Variants in SNX19 observed in about 807,000 individuals in gnomAD.
The protein encoded by SNX19 is sorting nexin-19.
In SNX19, 60 loss-of-function variants were observed where a neutral mutation model predicts 85.2. That is an observed-to-expected ratio of 0.70 (90% confidence interval 0.57 to 0.87). The LOEUF (loss-of-function observed/expected upper bound fraction) is 0.87, where lower values mean the gene tolerates loss of function less well. SNX19 is among the 40% of genes least tolerant of loss of function. SNX19 has a pLI of 0.00. For synonymous variants in SNX19, 520 were observed against 470.0 expected (o/e 1.11, Z -1.38); for missense variants, 1,201 against 1,217.8 (o/e 0.99, Z 0.21).
chr11:130,903,375 G>A lies in SNX19; in HGVS notation c.2453C>T (p.Thr818Ile), dbSNP rs770258630. ...ATCCAGGGCTGTGTCAGCTAACTCT[G>A]TCTCTGTTCCTGAGGGATAAAATGG... ...DPSNSDPGTETELADTALDLL... is the reference protein window; with the variant it reads ...DPSNSDPGTEIELADTALDLL... Residue 818 changes from threonine to isoleucine, a missense_variant, in exon 8 of 11, where the codon ACA becomes ATA. Thr to Ile is a moderately conservative substitution (Grantham distance 89, BLOSUM62 -1). Transcript: ENST00000265909. 1.9e-6 allele frequency: 3 copies of A among 1,612,340 alleles called. No individual in the cohort carries two copies. The highest frequency in any genetic ancestry group is 2.5e-6 in the Non-Finnish European group (3 of 1,179,800).
intron 8 of SNX19, among the ~76,000 whole-genome samples, chr11:130,890,890 C>CTTTTTT (rs10678203): frequency 6.3e-5 from 9 of 143,028 alleles, no homozygotes; most frequent in African/African-American, 5.2e-5. Flanking sequence ...GGATTTGGGT[C>CTTTTTT]TTTTTTTTTT....
intron 1 of SNX19, among the ~76,000 whole-genome samples, chr11:130,912,965 C>A (rs1946255273): frequency 6.6e-6 from 1 of 152,140 alleles, no homozygotes. Context: ...AACCCAATTT[C>A]AAACTACTCA....
chr11:130,911,136 A>G (rs1476991927), intron 2 of SNX19, among the ~76,000 whole-genome samples: 1 of 151,256 alleles, frequency 6.6e-6, no homozygotes, highest in Non-Finnish European at 1.5e-5. Context: ...CGGAGGTTGC[A>G]GTGAGCCGAG....
At chr11:130,898,376 C>T (rs1945026853) in intron 8 of SNX19, among the ~76,000 whole-genome samples, 1 of 152,072 alleles carries the variant, frequency 6.6e-6, no homozygotes, top group African/African-American at 2.4e-5. Flanking sequence ...CTACAGCATC[C>T]CTGATGGTCA....
At chr11:130,899,637 G>C (rs540856989) in intron 8 of SNX19, among the ~76,000 whole-genome samples, 3 of 152,280 alleles carry the variant, frequency 2.0e-5, no homozygotes, top group African/African-American at 7.2e-5. Flanking sequence ...AATGGGCTAA[G>C]GATAAAGTTG....
chr11:130,903,381 G>A lies in SNX19; in HGVS notation c.2447C>T (p.Thr816Ile), dbSNP rs370130782. The change falls in exon 8 of 11, where the codon ACA becomes ATA. Residue 816 changes from threonine to isoleucine, a missense_variant. Coordinates refer to ENST00000265909, the MANE Select transcript of SNX19 (RefSeq NM_014758.3). ...GGCTGTGTCAGCTAACTCTGTCTCTGTTCCTGAGGGATAAAATGGCATCAG... is the reference window on the plus strand; with the variant it reads ...GGCTGTGTCAGCTAACTCTGTCTCTATTCCTGAGGGATAAAATGGCATCAG... ...AQDPSNSDPGTETELADTALD... is the reference protein window; with the variant it reads ...AQDPSNSDPGIETELADTALD... The A allele has an allele frequency of 1.2e-6, 2 of 1,612,078 alleles. No homozygotes were observed. The highest frequency in any genetic ancestry group is 1.7e-6 in the Non-Finnish European group (2 of 1,179,736).
chr11:130,910,234 A>G (rs1945995283), intron 3 of SNX19, 36 bp downstream of exon 3: 1 of 1,613,090 alleles, frequency 6.2e-7, no homozygotes, highest in African/African-American at 1.3e-5. Flanking sequence ...CACCCAGGTT[A>G]AAGTGAGAAC....
At chr11:130,881,699 C>A (rs183689791) in intron 8 of SNX19, among the ~76,000 whole-genome samples, 208 of 152,332 alleles carry the variant, frequency 1.4e-3, no homozygotes, top group Non-Finnish European at 2.1e-3. Context: ...GCCTGAAGAG[C>A]AAGTCTCAAG....
chr11:130,896,961 C>T (rs753306846), intron 8 of SNX19, among the ~76,000 whole-genome samples: 3 of 150,806 alleles, frequency 2.0e-5, no homozygotes, highest in Non-Finnish European at 4.4e-5. Context: ...GATTCTGGAG[C>T]GTTCTAAGAG....
chr11:130,906,002 G>A lies in SNX19; in HGVS notation c.2394C>T (p.Cys798=), dbSNP rs751708040. 3 of 1,614,192 alleles carry A rather than the reference G, an allele frequency of 1.9e-6. No homozygotes were observed. Among genetic ancestry groups the A allele is most frequent in the African/African-American group, 1.3e-5 (1 of 75,056 alleles). The change falls in exon 7 of 11, where the codon TGC becomes TGT. Residue 798 remains cysteine (C), a synonymous_variant. Coordinates refer to ENST00000265909, the MANE Select transcript of SNX19 (RefSeq NM_014758.3). Reference sequence around the variant, plus strand: ...GGGCTGGCACGGCTGCATCTGACACGCAACTGTCCACACGTCCTTTGGGAG... The same window carrying A: ...GGGCTGGCACGGCTGCATCTGACACACAACTGTCCACACGTCCTTTGGGAG... ...EQPPKGRVDS[C]VSDAAVPAQD... is the part of the protein sequence containing the mutation.
intron 5 of SNX19, 88 bp from the exon 6 acceptor site, chr11:130,906,809 C>T (rs541693813): frequency 3.9e-4 from 352 of 913,546 alleles, no homozygotes; most frequent in Admixed American, 8.1e-4. Flanking sequence ...TAATAAAACA[C>T]AACAAGAATA....
chr11:130,889,821 C>T (rs188995898), intron 8 of SNX19, among the ~76,000 whole-genome samples: 21 of 152,198 alleles, frequency 1.4e-4, no homozygotes, highest in Admixed American at 9.8e-4. Flanking sequence ...AATAATCATA[C>T]GTCATGGCAC....
At chr11:130,886,207 G>A (rs936667777) in intron 8 of SNX19, among the ~76,000 whole-genome samples, 6 of 152,104 alleles carry the variant, frequency 3.9e-5, no homozygotes, top group Admixed American at 3.9e-4. Flanking sequence ...CATCATTAGA[G>A]GTCATATCAT....
intron 8 of SNX19, among the ~76,000 whole-genome samples, chr11:130,899,082 C>T (rs957397329): frequency 3.9e-5 from 6 of 152,072 alleles, no homozygotes; most frequent in East Asian, 1.9e-4. Context: ...GTCATAGTAC[C>T]GCTTTCGCAG....
Position 130,915,505 on chromosome 11 carries a change from CCTT to C in SNX19, c.432_434del (p.Arg145del). On this transcript the variant is annotated inframe_deletion, in exon 1 of 11. Coordinates refer to ENST00000265909, the MANE Select transcript of SNX19 (RefSeq NM_014758.3). Reference sequence around the variant, plus strand: ...CAGCATGACTGTCCATCACGCTCATCCTTCTCCGAAGCTCCTGGACCAACCCTT... The same window carrying C: ...CAGCATGACTGTCCATCACGCTCATCCTCCGAAGCTCCTGGACCAACCCTT... 2.5e-6 allele frequency: 4 copies of C among 1,614,232 alleles called. No individual in the cohort carries two copies. Among genetic ancestry groups the C allele is most frequent in the Admixed American group, 3.3e-5 (2 of 60,034 alleles).
Position 130,914,348 on chromosome 11 carries a change from T to C in SNX19, c.1592A>G (p.Gln531Arg). The C allele has an allele frequency of 6.2e-7, 1 of 1,613,712 alleles. No individual in the cohort carries two copies. Among genetic ancestry groups the C allele is most frequent in the Non-Finnish European group, 8.5e-7 (1 of 1,179,770 alleles). ...LSSPDGPVIIQNLRITGTITA... is the reference protein window; with the variant it reads ...LSSPDGPVIIRNLRITGTITA... ...AATGGTGCCAGTGATACGAAGGTTC[T>C]GGATGATAACTGGACCATCGGGACT... The change falls in exon 1 of 11, where the codon CAG becomes CGG. Residue 531 changes from glutamine to arginine, a missense_variant. Physicochemically the swap from Gln to Arg is conservative, Grantham distance 43. This residue lies in a region of SNX19 where 791 missense variants were observed against 750.9 expected (regional missense o/e 1.05). Transcript: ENST00000265909.
At chr11:130,884,829 G>A (rs1364293776) in intron 8 of SNX19, among the ~76,000 whole-genome samples, 1 of 137,986 alleles carries the variant, frequency 7.2e-6, no homozygotes, top group African/African-American at 2.8e-5. Flanking sequence ...CCAAGATCAC[G>A]CCACTGTACT....
chr11:130,884,890 A>AAAAAAAG (rs1565511876), intron 8 of SNX19, among the ~76,000 whole-genome samples: 1 of 145,502 alleles, frequency 6.9e-6, no homozygotes, highest in Non-Finnish European at 1.5e-5. Context: ...AAAAAAAAAA[A>AAAAAAAG]AAATTACTTA....
intron 8 of SNX19, among the ~76,000 whole-genome samples, chr11:130,896,854 A>G (rs1199768550): frequency 6.6e-6 from 1 of 152,040 alleles, no homozygotes; most frequent in African/African-American, 2.4e-5. Flanking sequence ...TTCTCTTAAG[A>G]AATAACCAAT....
Sources: gnomAD v4.1 joint callset for allele counts (sites outside exome capture counted in the v4.1 genomes callset) on GRCh38, gnomAD v4.1.1 for gene constraint, gnomAD v4.1.1 regional missense constraint, MANE v1.5 for transcripts, NCBI Gene and HGNC (gene_info 2026-07-23, HGNC 2026-07-21) for gene names.